Variants in MED12L observed in about 807,000 individuals in gnomAD.
The protein encoded by MED12L is mediator of RNA polymerase II transcription subunit 12-like protein.
In MED12L, 60 loss-of-function variants were observed where a neutral mutation model predicts 281.3. The ratio of observed to expected loss-of-function variants is 0.21; its 90% CI spans 0.17 to 0.26. MED12L has a LOEUF of 0.26. Ranked by LOEUF, MED12L falls within the 10% of genes least tolerant of loss-of-function variation. The probability of loss-of-function intolerance (pLI) is 1.00; values close to 1 mark genes in which losing one functional copy is unlikely to be tolerated. For missense variants in MED12L, 2,146 were observed against 2,680.9 expected, an observed-to-expected ratio of 0.80 and a Z score of 4.41; for synonymous variants, 974 against 987.2, an observed-to-expected ratio of 0.99 and a Z score of 0.25.
At chr3:151,298,516 CAG>C (rs770057261) in intron 16 of MED12L, among the ~76,000 whole-genome samples, 6 of 152,332 alleles carry the variant, frequency 3.9e-5, no homozygotes, top group East Asian at 3.9e-4. Context: ...GGGCTTGACA[CAG>C]AGCGATAATT....
At chr3:151,172,206 T>C (rs1476265004) in intron 11 of MED12L, among the ~76,000 whole-genome samples, 1 of 152,208 alleles carries the variant, frequency 6.6e-6, no homozygotes, top group South Asian at 2.1e-4. Context: ...TTTAGGGACA[T>C]TGGACAATTC....
At chr3:151,086,598 G>C (rs75965187) in intron 1 of MED12L, 200 bp from the exon 2 acceptor site, 1 of 209,942 alleles carries the variant, frequency 4.8e-6, no homozygotes, top group African/African-American at 2.3e-5. Flanking sequence ...CCTCCCCCTG[G>C]AGACAAGGTA....
intron 14 of MED12L, among the ~76,000 whole-genome samples, chr3:151,191,244 T>C (rs1348455309): frequency 6.6e-6 from 1 of 152,232 alleles, no homozygotes; most frequent in Admixed American, 6.5e-5. Flanking sequence ...TTTAACATTG[T>C]GTCTCAAAAC....
chr3:151,119,708 T>A (rs746297509), intron 3 of MED12L, among the ~76,000 whole-genome samples: 32 of 152,302 alleles, frequency 2.1e-4, no homozygotes, highest in Non-Finnish European at 3.7e-4. Context: ...TATGTCAGTT[T>A]AAATAACTAA....
At chr3:151,106,920 CTTTATA>C (rs989120398) in intron 2 of MED12L, among the ~76,000 whole-genome samples, 1 of 152,072 alleles carries the variant, frequency 6.6e-6, no homozygotes, top group African/African-American at 2.4e-5. Context: ...TAAAGTATGT[CTTTATA>C]TTTAAAGTAT....
chr3:151,102,502 C>T (rs938655337), intron 2 of MED12L, among the ~76,000 whole-genome samples: 1 of 152,128 alleles, frequency 6.6e-6, no homozygotes. Context: ...CATTTCCATT[C>T]TCTTTCCCCT....
At chr3:151,278,531 A>C (rs1742280652) in intron 16 of MED12L, 1 of 152,238 alleles carries the variant, frequency 6.6e-6, no homozygotes, top group African/African-American at 2.4e-5. Flanking sequence ...TGTGGGTGTT[A>C]GGCTGACTTC....
chr3:151,124,438 C>T (rs1459044544), intron 4 of MED12L, among the ~76,000 whole-genome samples: 1 of 152,182 alleles, frequency 6.6e-6, no homozygotes, highest in African/African-American at 2.4e-5. Flanking sequence ...TTGAATTATT[C>T]ATTTCTTGAG....
chr3:151,212,133 C>T lies in MED12L; in HGVS notation c.2250+18467C>T, dbSNP rs549263414. ...AAAAATAGACAGTATTAAAACATTT[C>T]TTTATTAGTATATAGACAGTAAAGC... On this transcript the variant is annotated intron_variant, in intron 16 of 44. Coordinates refer to ENST00000687756, the MANE Select transcript of MED12L (RefSeq NM_001393769.1). The T allele has an allele frequency of 3.9e-5, 6 of 152,218 alleles. No homozygotes were observed. In the East Asian group the frequency reaches 9.6e-4, roughly 24 times the overall value. The allele number at this position is 152,218 out of a possible 1,614,324, so 9.4% of individuals were successfully genotyped here.
intron 16 of MED12L, chr3:151,199,108 G>A (rs1412886141): frequency 6.2e-7 from 1 of 1,614,036 alleles, no homozygotes; most frequent in South Asian, 1.1e-5. Flanking sequence ...TGATATAGAT[G>A]AGGCAGGCTG....
At chr3:151,324,658 C>T (rs911247212) in intron 16 of MED12L, among the ~76,000 whole-genome samples, 1 of 152,138 alleles carries the variant, frequency 6.6e-6, no homozygotes, top group Non-Finnish European at 1.5e-5. Context: ...CATAGCCTGC[C>T]TGGGATTATT....
intron 16 of MED12L, among the ~76,000 whole-genome samples, chr3:151,241,538 C>A (rs547038258): frequency 1.3e-5 from 2 of 152,054 alleles, no homozygotes; most frequent in African/African-American, 4.8e-5. Flanking sequence ...TGGAGAGATG[C>A]AAATGCTAGT....
chr3:151,383,689 A>G, intron 33 of MED12L, 90 bp from the exon 34 acceptor site: 1 of 792,324 alleles, frequency 1.3e-6, no homozygotes, highest in Non-Finnish European at 2.0e-6. Context: ...TTTTTTAAAT[A>G]AAAAACAATC....
intron 16 of MED12L, among the ~76,000 whole-genome samples, chr3:151,253,138 T>A (rs957847433): frequency 6.6e-6 from 1 of 152,140 alleles, no homozygotes; most frequent in Non-Finnish European, 1.5e-5. Context: ...GCTAAGGACT[T>A]CTGGAGATCT....
chr3:151,094,798 A>G (rs189055531), intron 2 of MED12L, among the ~76,000 whole-genome samples: 16 of 152,326 alleles, frequency 1.1e-4, no homozygotes, highest in African/African-American at 3.6e-4. Context: ...AACAATAGAT[A>G]TGTACTACTT....
intron 43 of MED12L, among the ~76,000 whole-genome samples, chr3:151,417,745 C>T (rs373377632): frequency 2.0e-5 from 3 of 152,328 alleles, no homozygotes; most frequent in African/African-American, 7.2e-5. Flanking sequence ...GCTGGGATTA[C>T]AGGCGTGAGC....
At chr3:151,217,855 G>A (rs369663108) in intron 16 of MED12L, among the ~76,000 whole-genome samples, 7 of 152,250 alleles carry the variant, frequency 4.6e-5, no homozygotes, top group African/African-American at 1.7e-4. Flanking sequence ...TTAGAGCATG[G>A]CAGCCTTTTC....
At chr3:151,194,257 G>A (rs1413262971) in intron 16 of MED12L, among the ~76,000 whole-genome samples, 4 of 152,110 alleles carry the variant, frequency 2.6e-5, no homozygotes, top group Admixed American at 6.6e-5. Flanking sequence ...GTGAGCCACC[G>A]TGCCAGGCGT....
chr3:151,344,832 T>A (rs559646644), intron 16 of MED12L, among the ~76,000 whole-genome samples: 26 of 152,304 alleles, frequency 1.7e-4, no homozygotes, highest in Admixed American at 1.4e-3. Context: ...ATTGTTGAAA[T>A]ATCAGAAAAT....
Sources: allele counts gnomAD v4.1 joint callset (sites outside exome capture counted in the v4.1 genomes callset), GRCh38; gene constraint gnomAD v4.1.1; transcripts MANE v1.5; gene names NCBI Gene and HGNC (gene_info 2026-07-23, HGNC 2026-07-21).